COX19: variants seen among roughly 807,000 people sequenced by gnomAD.
COX19 encodes cytochrome c oxidase assembly factor COX19.
In COX19, 8 loss-of-function variants were observed where a neutral mutation model predicts 6.8. That is an observed-to-expected ratio of 1.18 (90% CI 0.69 to 2.12). The LOEUF is 2.12. Ranked by LOEUF, COX19 falls within the 30% of genes most tolerant of loss-of-function variation. COX19 has a pLI of 0.00. For missense variants in COX19, 131 were observed against 104.6 expected (o/e 1.25, Z -1.10); for synonymous variants, 51 against 38.0 (o/e 1.34, Z -1.26).
chr7:969,616 C>A (rs1847607896), intron 2 of COX19, among the ~76,000 whole-genome samples, 160 bp from the exon 3 acceptor site: 1 of 152,152 alleles, frequency 6.6e-6, no homozygotes, highest in African/African-American at 2.4e-5. Flanking sequence ...CTGGTGCCTT[C>A]CCCACTGGGC....
At position 967,076 on chromosome 7, in the gene COX19, A is replaced by G. The variant is rs191948063; in HGVS notation, c.*2302T>C. 2 of 152,356 alleles carry G rather than the reference A, an allele frequency of 1.3e-5. No individual in the cohort carries two copies. Among genetic ancestry groups the G allele is most frequent in the East Asian group, 3.9e-4 (2 of 5,188 alleles). The allele number at this position is 152,356 out of a possible 1,614,324, so 9.4% of individuals were successfully genotyped here. Reference sequence around the variant, plus strand: ...AAGGTGGAAACTCCTGACCTATAAGAAAAACAGCCAGATGCCGAGGTTGCT... The same window carrying G: ...AAGGTGGAAACTCCTGACCTATAAGGAAAACAGCCAGATGCCGAGGTTGCT... On this transcript the variant is annotated 3_prime_UTR_variant, in exon 3 of 3. Coordinates refer to ENST00000344111, the MANE Select transcript of COX19 (RefSeq NM_001031617.3).
intron 2 of COX19, among the ~76,000 whole-genome samples, chr7:970,146 T>C (rs904258574): frequency 6.6e-6 from 1 of 151,932 alleles, no homozygotes; most frequent in Admixed American, 6.6e-5. Context: ...AATTTCTTTT[T>C]TTCTCCCAGA....
chr7:971,802 C>T (rs1380659139), intron 2 of COX19, among the ~76,000 whole-genome samples: 1 of 152,158 alleles, frequency 6.6e-6, no homozygotes, highest in East Asian at 1.9e-4. Context: ...ACCCGGGAGG[C>T]GGAGCTTGCA....
At chr7:972,272 C>G (rs1847646496) in intron 2 of COX19, among the ~76,000 whole-genome samples, 1 of 152,176 alleles carries the variant, frequency 6.6e-6, no homozygotes, top group African/African-American at 2.4e-5. Flanking sequence ...AGCGACAGCC[C>G]CAAAGGCAGA....
intron 1 of COX19, among the ~76,000 whole-genome samples, chr7:973,980 A>C (rs1409768498): frequency 6.6e-6 from 1 of 151,664 alleles, no homozygotes; most frequent in East Asian, 1.9e-4. Context: ...ATAAATAAAT[A>C]AATGATCCAG....
Position 967,497 on chromosome 7 carries a change from T to A in COX19, c.*1881A>T, listed in dbSNP as rs1295718372. ...CTTTCCCACCTTTGGTCGACGGTCTTCCCCACACTCCTGATGGGTCAGAGT... is the reference window on the plus strand; with the variant it reads ...CTTTCCCACCTTTGGTCGACGGTCTACCCCACACTCCTGATGGGTCAGAGT... On this transcript the variant is annotated 3_prime_UTR_variant, in exon 3 of 3. Transcript: ENST00000344111. The A allele has an allele frequency of 6.6e-6, 1 of 152,246 alleles. No homozygotes were observed. The highest frequency in any genetic ancestry group is 2.4e-5 in the African/African-American group (1 of 41,464). The allele number at this position is 152,246 out of a possible 1,614,324, so 9.4% of individuals were successfully genotyped here. A position where few individuals can be genotyped will look rare whatever the true frequency, so the allele number is the denominator to read the frequency against.
chr7:972,963 C>T (rs1323555370), intron 2 of COX19: 1 of 328,122 alleles, frequency 3.0e-6, no homozygotes, highest in Non-Finnish European at 5.6e-6. Flanking sequence ...TCATGTATAA[C>T]GCTATCGCTC....
intron 1 of COX19, 56 bp downstream of exon 1, chr7:975,372 G>A: frequency 2.1e-6 from 3 of 1,410,364 alleles, no homozygotes; most frequent in South Asian, 1.3e-5. Flanking sequence ...TCCGCGCTGG[G>A]CCGCGACCCA....
At chr7:971,091 T>C (rs1355597356) in intron 2 of COX19, among the ~76,000 whole-genome samples, 6 of 152,166 alleles carry the variant, frequency 3.9e-5, no homozygotes, top group Non-Finnish European at 7.4e-5. Context: ...CCAGCCATCA[T>C]CCCATGAGGC....
chr7:973,315 A>C, intron 1 of COX19, 23 bp from the exon 2 acceptor site: 3 of 1,559,992 alleles, frequency 1.9e-6, no homozygotes, highest in South Asian at 2.4e-5. Flanking sequence ...AGAAAACAGC[A>C]TGTTCTTTTC....
chr7:971,704 TAC>T (rs1847637731), intron 2 of COX19, among the ~76,000 whole-genome samples: 1 of 152,064 alleles, frequency 6.6e-6, no homozygotes, highest in African/African-American at 2.4e-5. Context: ...ACCCCGTCTC[TAC>T]TAAAAATACA....
At chr7:975,284 TG>T in intron 1 of COX19, 143 bp downstream of exon 1, 1 of 612,406 alleles carries the variant, frequency 1.6e-6, no homozygotes, top group Non-Finnish European at 2.8e-6. Flanking sequence ...GACCCAGGGC[TG>T]GGTGGGGCGG....
intron 2 of COX19, among the ~76,000 whole-genome samples, chr7:969,936 C>G (rs999835590): frequency 3.3e-5 from 5 of 150,986 alleles, no homozygotes; most frequent in Admixed American, 1.3e-4. Flanking sequence ...AACTGAGACT[C>G]AGGTCGACAG....
chr7:973,218 T>G lies in COX19; in HGVS notation c.157A>C (p.Lys53Gln). The G allele has an allele frequency of 6.2e-7, 1 of 1,605,776 alleles. No homozygotes were observed. The highest frequency in any genetic ancestry group is 8.5e-7 in the Non-Finnish European group (1 of 1,176,524). Residue 53 changes from lysine to glutamine, a missense_variant, in exon 2 of 3, where the codon AAG becomes CAG. By Grantham distance (53) the Lys-to-Gln change is moderately conservative. Coordinates refer to ENST00000344111, the MANE Select transcript of COX19 (RefSeq NM_001031617.3). ...NNNFENALCR[K>Q]ESKEYLECRM... is the part of the protein sequence containing the mutation. ...CATTCTAAATATTCTTTTGATTCCT[T>G]TCTGCACAAAGCATTTTCAAAATTA...
In COX19 at chr7:969,434, A is replaced by G. The variant is rs769208460; in HGVS notation, c.217T>C (p.Leu73=). The part of the protein sequence containing the change: ...MERKLMLQEP[L]EKLGFGDLTS... ...AAGTCTCCAAATCCCAGTTTCTCCA[A>G]TGGTTCTTGTAGCATCAATTTTCTA... The change falls in exon 3 of 3, where the codon TTG becomes CTG. Residue 73 remains leucine, a synonymous_variant. Transcript: ENST00000344111. 36 of 1,610,204 alleles carry G rather than the reference A, an allele frequency of 2.2e-5. 1 individual carries two copies. Among genetic ancestry groups the G allele is most frequent in the Non-Finnish European group, 2.7e-5 (32 of 1,176,754 alleles).
At position 967,004 on chromosome 7, in the gene COX19, C is replaced by A. The variant is rs940436592; in HGVS notation, c.*2374G>T. The stretch of plus-strand genomic sequence containing the variant: ...CAGAACAGGACAGTGGTGATGCTGG[C>A]GACTCAGACACACCAGAGAAGCTGC... On this transcript the variant is annotated 3_prime_UTR_variant, in exon 3 of 3. Transcript: ENST00000344111. 6.6e-6 allele frequency: 1 copy of A among 152,146 alleles called. No homozygotes were observed. 9.4% of individuals were successfully genotyped at this position (152,146 alleles called of 1,614,324 possible). A position where few individuals can be genotyped will look rare whatever the true frequency, so the allele number is the denominator to read the frequency against.
At position 973,197 on chromosome 7, in the gene COX19, CTAAA is replaced by C; in HGVS notation, c.174_177del (p.Tyr58Ter). The C allele has an allele frequency of 1.9e-6, 3 of 1,598,696 alleles. No homozygotes were observed. The highest frequency in any genetic ancestry group is 2.6e-6 in the Non-Finnish European group (3 of 1,173,176). On this transcript the variant is annotated frameshift_variant, in exon 2 of 3. Coordinates refer to ENST00000344111, the MANE Select transcript of COX19 (RefSeq NM_001031617.3). LOFTEE classifies it high-confidence loss of function. ...TGTACTCACCTCTCCATCCTGCATT[CTAAA>C]TATTCTTTTGATTCCTTTCTGCACA... is the stretch of plus-strand genomic sequence containing the variant.
intron 1 of COX19, among the ~76,000 whole-genome samples, chr7:974,313 T>G (rs1284349142): frequency 2.0e-5 from 3 of 148,496 alleles, no homozygotes; most frequent in Admixed American, 2.0e-4. Context: ...TCCCAGCTAC[T>G]CTAGAGGATG....
chr7:970,858 T>C (rs6942989), intron 2 of COX19, among the ~76,000 whole-genome samples: 16,216 of 152,218 alleles, frequency 0.11, 1,090 homozygotes, highest in African/African-American at 0.18. Context: ...GCTACAGATG[T>C]GAGCCACCAC....
Sources: allele counts gnomAD v4.1 joint callset (sites outside exome capture counted in the v4.1 genomes callset), GRCh38; gene constraint gnomAD v4.1.1; transcripts MANE v1.5; gene names NCBI Gene and HGNC (gene_info 2026-07-23, HGNC 2026-07-21).